PRKCE: variants seen among roughly 807,000 people sequenced by gnomAD.
PRKCE encodes protein kinase C epsilon.
A neutral mutation model predicts 85.4 loss-of-function variants in PRKCE; 16 were observed. The observed-to-expected ratio is 0.19, with a 90% CI of 0.13 to 0.28. The LOEUF (loss-of-function observed/expected upper bound fraction) is 0.28, where lower values mean the gene tolerates loss of function less well. Ranked by LOEUF, PRKCE falls within the 10% of genes least tolerant of loss-of-function variation. The pLI is 1.00. For synonymous variants in PRKCE, 388 were observed against 371.5 expected (o/e 1.04, Z -0.51); for missense variants, 573 against 975.2 (o/e 0.59, Z 5.49).
chr2:45,899,323 A>C (rs998068729), intron 2 of PRKCE, among the ~76,000 whole-genome samples: 1 of 151,874 alleles, frequency 6.6e-6, no homozygotes, highest in Non-Finnish European at 1.5e-5. Flanking sequence ...AGGCCATTGC[A>C]TTCAGATGAT....
At chr2:46,179,318 G>A (rs1230473962) in intron 14 of PRKCE, among the ~76,000 whole-genome samples, 1 of 152,124 alleles carries the variant, frequency 6.6e-6, no homozygotes, top group Non-Finnish European at 1.5e-5. Context: ...GGCCAGACAG[G>A]AAGTAAGCAT....
chr2:45,779,410 G>A (rs1366129131), intron 1 of PRKCE, among the ~76,000 whole-genome samples: 1 of 152,110 alleles, frequency 6.6e-6, no homozygotes, highest in African/African-American at 2.4e-5. Flanking sequence ...GGGATGTCCG[G>A]GGGCGAGGAA....
chr2:45,671,099 GA>G (rs1327892749), intron 1 of PRKCE, among the ~76,000 whole-genome samples: 2 of 152,200 alleles, frequency 1.3e-5, no homozygotes, highest in Non-Finnish European at 2.9e-5. Context: ...TTCTGATCAG[GA>G]ATGCAGCATC....
At chr2:45,773,061 C>CT (rs1323791198) in intron 1 of PRKCE, among the ~76,000 whole-genome samples, 2 of 152,188 alleles carry the variant, frequency 1.3e-5, no homozygotes, top group Non-Finnish European at 2.9e-5. Context: ...TGCTCTGCTC[C>CT]TTCCCCTTCA....
intron 1 of PRKCE, among the ~76,000 whole-genome samples, chr2:45,673,479 C>T (rs1207095573): frequency 6.6e-6 from 1 of 152,186 alleles, no homozygotes; most frequent in South Asian, 2.1e-4. Flanking sequence ...AGGGACAGTA[C>T]TTACATCTCT....
intron 2 of PRKCE, among the ~76,000 whole-genome samples, chr2:45,923,037 A>C (rs1290565451): frequency 6.6e-6 from 1 of 152,240 alleles, no homozygotes; most frequent in Admixed American, 6.5e-5. Context: ...GTAGAGCCAA[A>C]TAAAGGAAAG....
chr2:46,181,465 TC>T (rs1181637889), intron 14 of PRKCE, among the ~76,000 whole-genome samples: 1 of 152,196 alleles, frequency 6.6e-6, no homozygotes, highest in African/African-American at 2.4e-5. Flanking sequence ...CACAGATGAT[TC>T]TGGAACCTCA....
At chr2:45,859,261 GT>G (rs1296022801) in intron 2 of PRKCE, among the ~76,000 whole-genome samples, 4 of 151,794 alleles carry the variant, frequency 2.6e-5, no homozygotes, top group Non-Finnish European at 5.9e-5. Context: ...TTACTTTCAA[GT>G]TTTTTCTATT....
At chr2:46,165,473 G>T (rs1678248139) in intron 14 of PRKCE, among the ~76,000 whole-genome samples, 1 of 152,250 alleles carries the variant, frequency 6.6e-6, no homozygotes, top group Non-Finnish European at 1.5e-5. Flanking sequence ...AGACAGGAAA[G>T]CCAGCAAGGC....
At chr2:45,885,002 T>TGTTGTTG (rs1553440407) in intron 2 of PRKCE, among the ~76,000 whole-genome samples, 11 of 97,666 alleles carry the variant, frequency 1.1e-4, no homozygotes, top group Non-Finnish European at 1.9e-4. Context: ...TATATATATA[T>TGTTGTTG]TTGTTGTTGT....
In PRKCE at chr2:46,159,930, T is replaced by G; in HGVS notation, c.2067+178T>G. The G allele has an allele frequency of 1.4e-6, 1 of 690,866 alleles. No homozygotes were observed. Among genetic ancestry groups the G allele is most frequent in the South Asian group, 2.3e-5 (1 of 43,572 alleles). 42.8% of individuals were successfully genotyped at this position (690,866 alleles called of 1,614,324 possible). On this transcript the variant is annotated intron_variant, in intron 14 of 14. Coordinates refer to ENST00000306156, the MANE Select transcript of PRKCE (RefSeq NM_005400.3). This position sits in a 1 kb window ranked among gnomAD's most constrained non-coding sequence, Gnocchi z 4.1. ...GTCTTTAGGCCCCAAGTGTTTACTA[T>G]TGAAAACATGTAACCTACTACAGCA...
chr2:45,683,138 T>G (rs554869816), intron 1 of PRKCE, among the ~76,000 whole-genome samples: 1 of 152,266 alleles, frequency 6.6e-6, no homozygotes, highest in African/African-American at 2.4e-5. Context: ...TAGCCAAGCG[T>G]TGGTTGAAAT....
rs191198272 is a variant in PRKCE at position 45,859,405 on chromosome 2, C to G, written c.412+16342C>G. ...CTTTGCTAGGTAATAAGTTGTTTTC[C>G]AAAGTGATTTTACCAGTTGATGCCG... is the stretch of plus-strand genomic sequence containing the variant. On this transcript the variant is annotated intron_variant, in intron 2 of 14. Coordinates refer to ENST00000306156, the MANE Select transcript of PRKCE (RefSeq NM_005400.3). Among the ~76,000 whole-genome samples, 60 of 152,194 alleles carry G rather than the reference C, an allele frequency of 3.9e-4. No homozygotes were observed. The East Asian group carries it at 9.3e-3, about 24-fold the overall frequency.
At position 46,085,535 on chromosome 2, in the gene PRKCE, G is replaced by A. The variant is rs563585354; in HGVS notation, c.1438-673G>A. 1.2e-3 allele frequency among the ~76,000 whole-genome samples: 177 copies of A among 152,172 alleles called. 1 individual carries two copies. Among genetic ancestry groups the A allele is most frequent in the African/African-American group, 4.2e-3 (173 of 41,516 alleles). On this transcript the variant is annotated intron_variant, in intron 10 of 14. Transcript: ENST00000306156. Reference sequence around the variant, plus strand: ...CGCTCCTTGCCTCTTCCAGCTTCTGGGGCTGTCTGCATCCTTTGGCTTGTG... The same window carrying A: ...CGCTCCTTGCCTCTTCCAGCTTCTGAGGCTGTCTGCATCCTTTGGCTTGTG...
In PRKCE at chr2:46,139,062, G is replaced by C. The variant is rs531291394; in HGVS notation, c.1593-6031G>C. ...ATCTATCCAGGTGTCAGGCAACAAG[G>C]GCTATCGCAAAGGCATTCAGGCTGA... On this transcript the variant is annotated intron_variant, in intron 11 of 14. Transcript: ENST00000306156. This position sits in a 1 kb window ranked among gnomAD's most constrained non-coding sequence, Gnocchi z 5.2. 6.6e-6 allele frequency among the ~76,000 whole-genome samples: 1 copy of C among 152,234 alleles called. No homozygotes were observed. The highest frequency in any genetic ancestry group is 2.1e-4 in the South Asian group (1 of 4,824).
intron 1 of PRKCE, among the ~76,000 whole-genome samples, chr2:45,718,500 A>C (rs1350545234): frequency 2.0e-5 from 3 of 151,828 alleles, no homozygotes; most frequent in African/African-American, 7.3e-5. Context: ...ACGCACCACT[A>C]CACTCAGCTA....
chr2:45,856,329 C>A (rs966307761), intron 2 of PRKCE, among the ~76,000 whole-genome samples: 1 of 152,160 alleles, frequency 6.6e-6, no homozygotes, highest in Non-Finnish European at 1.5e-5. Context: ...CTCTCAGGTT[C>A]GAGTAATTCT....
intron 1 of PRKCE, among the ~76,000 whole-genome samples, chr2:45,694,120 A>G (rs1467007103): frequency 1.3e-5 from 2 of 151,186 alleles, no homozygotes; most frequent in African/African-American, 2.4e-5. Context: ...CTTACACCTC[A>G]GCTCCAAGAG....
intron 1 of PRKCE, among the ~76,000 whole-genome samples, chr2:45,765,320 A>C (rs547714785): frequency 1.3e-5 from 2 of 152,356 alleles, no homozygotes; most frequent in East Asian, 3.9e-4. Flanking sequence ...CAATATGTTT[A>C]TTGAAAGGTC....
Sources: gnomAD v4.1 joint callset for allele counts (sites outside exome capture counted in the v4.1 genomes callset) on GRCh38, gnomAD v4.1.1 for gene constraint, Gnocchi (gnomAD v3.1) non-coding constraint, MANE v1.5 for transcripts, NCBI Gene and HGNC (gene_info 2026-07-23, HGNC 2026-07-21) for gene names.